Variants in RHOC observed in about 807,000 individuals in gnomAD.
RHOC encodes ras homolog family member C.
Under a neutral mutation model 19.5 loss-of-function variants are expected in RHOC, and 13 were observed. The observed-to-expected ratio is 0.67, with a 90% CI of 0.43 to 1.06. The LOEUF (loss-of-function observed/expected upper bound fraction) is 1.06. Ranked by LOEUF, RHOC falls within the 50% of genes least tolerant of loss-of-function variation. The probability of loss-of-function intolerance (pLI) is 0.00; values close to 1 mark genes in which losing one functional copy is unlikely to be tolerated. For missense variants in RHOC, 173 were observed against 256.9 expected, an observed-to-expected ratio of 0.67 and a Z score of 2.23; for synonymous variants, 106 against 97.3, an observed-to-expected ratio of 1.09 and a Z score of -0.52.
In RHOC at chr1:112,702,673, T is replaced by C; in HGVS notation, c.298A>G (p.Thr100Ala). 1 of 1,614,054 alleles carries C rather than the reference T, an allele frequency of 6.2e-7. No individual in the cohort carries two copies. The highest frequency in any genetic ancestry group is 8.5e-7 in the Non-Finnish European group (1 of 1,179,984). ...DSLENIPEKW[T>A]PEVKHFCPNV... Reference sequence around the variant, plus strand: ...GGGCAGAAGTGCTTCACCTCTGGGGTCCACTTCTCAGGAATGTTTTCTGTG... The same window carrying C: ...GGGCAGAAGTGCTTCACCTCTGGGGCCCACTTCTCAGGAATGTTTTCTGTG... The change falls in exon 5 of 6, where the codon ACC becomes GCC. Residue 100 changes from threonine (T) to alanine (A), a missense_variant. Physicochemically the swap from Thr to Ala is moderately conservative, Grantham distance 58 (BLOSUM62 0). Around this residue, in one of 2 missense-constraint regions of RHOC, gnomAD observed 92 missense variants for 171.1 expected, o/e 0.54. Transcript: ENST00000339083.
Position 112,706,490 on chromosome 1 carries a change from A to ACCCCCACAC in RHOC, c.-77+587_-77+588insGTGTGGGGG, listed in dbSNP as rs1557780791. On this transcript the variant is annotated intron_variant, in intron 1 of 5. Transcript: ENST00000339083. ...CACACACACACACACACACACACAC[A>ACCCCCACAC]CACACACACACACACACACACACAC... 1.1e-3 allele frequency among the ~76,000 whole-genome samples: 30 copies of ACCCCCACAC among 28,472 alleles called. 2 individuals are homozygous for ACCCCCACAC. The highest frequency in any genetic ancestry group is 2.0e-3 in the South Asian group (1 of 510). 18.7% of individuals were successfully genotyped at this position (28,472 alleles called of 152,430 possible).
chr1:112,703,768 ACGATC>A lies in RHOC; in HGVS notation c.27_31del (p.Ile10TrpfsTer29), dbSNP rs763777776. ...GGTCTTCCCACAGGCACCATCCCCAACGATCACCAGCTTCTTTCGGATTGCAGCCA... is the reference window on the plus strand; with the variant it reads ...GGTCTTCCCACAGGCACCATCCCCAAACCAGCTTCTTTCGGATTGCAGCCA... On this transcript the variant is annotated frameshift_variant, in exon 3 of 6. Transcript: ENST00000339083. LOFTEE classifies it high-confidence loss of function. The A allele has an allele frequency of 3.1e-6, 5 of 1,612,710 alleles. No homozygotes were observed. In the South Asian group the frequency reaches 5.5e-5, roughly 18 times the overall value.
Position 112,705,836 on chromosome 1 carries a change from T to C in RHOC, c.-76-668A>G, listed in dbSNP as rs1189358092. ...AAAGCCAGTCACTTAGGCATGAGTA[T>C]GCCACTGCTGTCCCCCCAGCAGGGT... On this transcript the variant is annotated intron_variant, in intron 1 of 5. Transcript: ENST00000339083. 3 of 367,140 alleles carry C rather than the reference T, an allele frequency of 8.2e-6. No individual in the cohort carries two copies. The Admixed American group carries it at 1.0e-4, about 12-fold the overall frequency. The allele number at this position is 367,140 out of a possible 1,614,324, so 22.7% of individuals were successfully genotyped here. A position where few individuals can be genotyped will look rare whatever the true frequency, so the allele number is the denominator to read the frequency against.
intron 1 of RHOC, chr1:112,705,388 C>T: frequency 1.6e-6 from 1 of 609,228 alleles, no homozygotes; most frequent in Non-Finnish European, 3.0e-6. Flanking sequence ...CCACCTCACA[C>T]TGCCCTTTAG....
chr1:112,702,071 T>C (rs965491921), intron 5 of RHOC, among the ~76,000 whole-genome samples: 3 of 152,190 alleles, frequency 2.0e-5, no homozygotes, highest in Admixed American at 1.3e-4. Flanking sequence ...TTTGCCATAA[T>C]TATCTTTGCA....
Position 112,701,574 on chromosome 1 carries a change from T to A in RHOC, c.548A>T (p.Lys183Met). The stretch of plus-strand genomic sequence containing the variant: ...GGGACAGCCCCTCCGACGCTTGTTC[T>A]TGCGGACCTGGAGGCCAGCCCGAGT... ...MATRAGLQVRKNKRRRGCPIL is the reference protein window; with the variant it reads ...MATRAGLQVRMNKRRRGCPIL Residue 183 changes from lysine (K) to methionine (M), a missense_variant, in exon 6 of 6, where the codon AAG becomes ATG. Lys to Met is a moderately conservative substitution (Grantham distance 95). Transcript: ENST00000339083. The A allele has an allele frequency of 6.2e-7, 1 of 1,614,098 alleles. No homozygotes were observed. Among genetic ancestry groups the A allele is most frequent in the Non-Finnish European group, 8.5e-7 (1 of 1,179,956 alleles).
In RHOC at chr1:112,703,011, G is replaced by A. The variant is rs1475122235; in HGVS notation, c.265C>T (p.Pro89Ser). 1 of 1,614,044 alleles carries A rather than the reference G, an allele frequency of 6.2e-7. No individual in the cohort carries two copies. Among genetic ancestry groups the A allele is most frequent in the Non-Finnish European group, 8.5e-7 (1 of 1,180,012 alleles). The change falls in exon 4 of 6, where the codon CCT becomes TCT. Residue 89 changes from proline (P) to serine (S), a missense_variant. Coordinates refer to ENST00000339083, the MANE Select transcript of RHOC (RefSeq NM_175744.5). ...CCAATCCCCTCACCCAGGCTGTCAG[G>A]GCTGTCGATGGAGAAGCACATGAGG... ...VILMCFSIDS[P>S]DSLENIPEKW...
At position 112,701,647 on chromosome 1, in the gene RHOC, A is replaced by G; in HGVS notation, c.475T>C (p.Cys159Arg). ...NRISAFGYLE[C>R]SAKTKEGVRE... ...ACTCCCTCCTTGGTCTTGGCTGAGC[A>G]CTCAAGGTAGCCAAAGGCACTGATC... The change falls in exon 6 of 6, where the codon TGC becomes CGC. Residue 159 changes from cysteine to arginine, a missense_variant. By Grantham distance (180) the Cys-to-Arg change is radical. Around this residue, in one of 2 missense-constraint regions of RHOC, gnomAD observed 81 missense variants for 85.8 expected, o/e 0.94. Transcript: ENST00000339083. The G allele has an allele frequency of 6.2e-7, 1 of 1,613,988 alleles. No individual in the cohort carries two copies.
rs1381618340 is a variant in RHOC at position 112,702,863 on chromosome 1, T to G, written c.277+136A>C. ...GCCCTCAGAGGGCCAGTTACCACAG[T>G]AAAGGAGACCAACAGGGCCTGAGTG... is the stretch of plus-strand genomic sequence containing the variant. On this transcript the variant is annotated intron_variant, in intron 4 of 5. Coordinates refer to ENST00000339083, the MANE Select transcript of RHOC (RefSeq NM_175744.5). The G allele has an allele frequency of 4.4e-6, 6 of 1,372,120 alleles. No individual in the cohort carries two copies. The East Asian group carries it at 1.1e-4, about 26-fold the overall frequency. The allele number at this position is 1,372,120 out of a possible 1,614,324, so 85.0% of individuals were successfully genotyped here.
rs755304944 is a variant in RHOC at position 112,701,560 on chromosome 1, T to A, written c.562A>T (p.Arg188Trp). 1 of 1,613,908 alleles carries A rather than the reference T, an allele frequency of 6.2e-7. No homozygotes were observed. The highest frequency in any genetic ancestry group is 8.5e-7 in the Non-Finnish European group (1 of 1,179,962). The change falls in exon 6 of 6, where the codon AGG becomes TGG. Residue 188 changes from arginine to tryptophan, a missense_variant. This residue lies in a region of RHOC where 81 missense variants were observed against 85.8 expected (regional missense o/e 0.94). Coordinates refer to ENST00000339083, the MANE Select transcript of RHOC (RefSeq NM_175744.5). ...GLQVRKNKRR[R>W]GCPIL ...GGATCTCAGAGAATGGGACAGCCCCTCCGACGCTTGTTCTTGCGGACCTGG... is the reference window on the plus strand; with the variant it reads ...GGATCTCAGAGAATGGGACAGCCCCACCGACGCTTGTTCTTGCGGACCTGG...
intron 1 of RHOC, chr1:112,706,181 T>C (rs1027203974): frequency 6.4e-6 from 1 of 155,162 alleles, no homozygotes; most frequent in Admixed American, 6.3e-5. Flanking sequence ...ACATCAGACC[T>C]CTCTCCAATC....
At chr1:112,704,422 T>A (rs1247304155) in intron 2 of RHOC, 1 of 153,220 alleles carries the variant, frequency 6.5e-6, no homozygotes, top group Non-Finnish European at 1.5e-5. Context: ...AGGAATTATC[T>A]CCTTCGGTAC....
At chr1:112,702,793 C>A in intron 4 of RHOC, 100 bp from the exon 5 acceptor site, 1 of 1,500,202 alleles carries the variant, frequency 6.7e-7, no homozygotes, top group Admixed American at 1.8e-5. Flanking sequence ...AGAAGCCATT[C>A]AGCATGATGG....
intron 1 of RHOC, chr1:112,706,169 C>A (rs12144044): frequency 0.24 from 37,693 of 158,804 alleles, 4,836 homozygotes; most frequent in Non-Finnish European, 0.28. Context: ...GACAGTGTGG[C>A]TACATCAGAC....
At chr1:112,707,057 C>T (rs1477068891) in intron 1 of RHOC, 21 bp downstream of exon 1, 1 of 152,238 alleles carries the variant, frequency 6.6e-6, no homozygotes, top group Non-Finnish European at 1.5e-5. Context: ...CCCCACCGCC[C>T]GCAGCCCCGG....
chr1:112,702,840 C>A, intron 4 of RHOC, 147 bp from the exon 5 acceptor site: 1 of 1,345,184 alleles, frequency 7.4e-7, no homozygotes, highest in Non-Finnish European at 1.0e-6. Flanking sequence ...AGTAGTATGC[C>A]CTCAGAGGGC....
rs113093065 is a variant in RHOC, at chr1:112,701,538, T to G, written c.*2A>C. On this transcript the variant is annotated 3_prime_UTR_variant, in exon 6 of 6. Coordinates refer to ENST00000339083, the MANE Select transcript of RHOC (RefSeq NM_175744.5). The stretch of plus-strand genomic sequence containing the variant: ...GGGCATGTAGGAAAGGCCTTGGGGA[T>G]CTCAGAGAATGGGACAGCCCCTCCG... 1.4e-4 allele frequency: 233 copies of G among 1,613,894 alleles called. 1 individual carries two copies. The highest frequency in any genetic ancestry group is 3.3e-4 in the Middle Eastern group (2 of 6,084).
intron 2 of RHOC, 87 bp downstream of exon 2, chr1:112,705,013 C>A: frequency 2.9e-6 from 2 of 684,790 alleles, no homozygotes; most frequent in Non-Finnish European, 2.7e-6. Context: ...TGTCCCCCAC[C>A]CCCAGCACAC....
Position 112,706,488 on chromosome 1 carries a change from A to C in RHOC, c.-77+590T>G, listed in dbSNP as rs1470978768. Among the ~76,000 whole-genome samples the C allele has an allele frequency of 9.0e-3, 234 of 26,048 alleles. 13 individuals are homozygous for C. The highest frequency in any genetic ancestry group is 0.028 in the African/African-American group (205 of 7,274). The allele number at this position is 26,048 out of a possible 152,430, so 17.1% of individuals were successfully genotyped here. Reference sequence around the variant, plus strand: ...ACCACACACACACACACACACACACACACACACACACACACACACACACAC... The same window carrying C: ...ACCACACACACACACACACACACACCCACACACACACACACACACACACAC... On this transcript the variant is annotated intron_variant, in intron 1 of 5. Coordinates refer to ENST00000339083, the MANE Select transcript of RHOC (RefSeq NM_175744.5).
Sources: allele counts gnomAD v4.1 joint callset (sites outside exome capture counted in the v4.1 genomes callset), GRCh38; gene constraint gnomAD v4.1.1; regional missense constraint gnomAD v4.1.1; transcripts MANE v1.5; gene names NCBI Gene and HGNC (gene_info 2026-07-23, HGNC 2026-07-21).